Variants in RALGAPA2 observed in about 807,000 individuals in gnomAD.
RALGAPA2 encodes ral GTPase-activating protein subunit alpha-2.
Under a neutral mutation model 230.4 loss-of-function variants are expected in RALGAPA2, and 139 were observed. The observed-to-expected ratio is 0.60, with a 90% CI of 0.53 to 0.69. The LOEUF (loss-of-function observed/expected upper bound fraction) is 0.69, where lower values mean the gene tolerates loss of function less well. RALGAPA2 is among the 30% of genes least tolerant of loss of function. The probability of loss-of-function intolerance (pLI) is 0.00; values close to 1 mark genes in which losing one functional copy is unlikely to be tolerated. For missense variants in RALGAPA2, 2,163 were observed against 2,276.0 expected (o/e 0.95, Z 1.01); for synonymous variants, 847 against 837.8 (o/e 1.01, Z -0.19).
chr20:20,399,066 C>T (rs933583372), intron 38 of RALGAPA2, among the ~76,000 whole-genome samples: 10 of 152,120 alleles, frequency 6.6e-5, no homozygotes, highest in Admixed American at 3.3e-4. Flanking sequence ...TTGTGACAGC[C>T]GGGCACGGTG....
In RALGAPA2 at chr20:20,546,841, G is replaced by A. The variant is rs1186190676; in HGVS notation, c.3157-9C>T. 5 of 1,565,546 alleles carry A rather than the reference G, an allele frequency of 3.2e-6. No homozygotes were observed. Among genetic ancestry groups the A allele is most frequent in the Admixed American group, 4.2e-5 (2 of 47,518 alleles). Reference sequence around the variant, plus strand: ...ATCGTATTTAAGATATCCTAAAAGGGAAGATAAGAAAAAACACAATCGTAA... The same window carrying A: ...ATCGTATTTAAGATATCCTAAAAGGAAAGATAAGAAAAAACACAATCGTAA... On this transcript the variant is annotated splice_polypyrimidine_tract_variant and intron_variant, in intron 23 of 39. Transcript: ENST00000202677.
chr20:20,396,099 G>A (rs911852944), intron 39 of RALGAPA2, among the ~76,000 whole-genome samples: 2 of 152,244 alleles, frequency 1.3e-5, no homozygotes, highest in African/African-American at 4.8e-5. Flanking sequence ...AGGACAGAAA[G>A]GCAGGCTGGG....
intron 37 of RALGAPA2, among the ~76,000 whole-genome samples, chr20:20,469,680 A>G (rs1319111251): frequency 6.6e-6 from 1 of 152,200 alleles, no homozygotes; most frequent in African/African-American, 2.4e-5. Flanking sequence ...CCCTGAAACA[A>G]GTTATTTGAT....
At chr20:20,474,610 G>A (rs562718365) in intron 36 of RALGAPA2, among the ~76,000 whole-genome samples, 7 of 152,302 alleles carry the variant, frequency 4.6e-5, no homozygotes, top group African/African-American at 1.7e-4. Context: ...AGAGTTGTCA[G>A]GATTTGTTGA....
intron 34 of RALGAPA2, chr20:20,504,849 A>G: frequency 2.9e-6 from 1 of 346,016 alleles, no homozygotes; most frequent in Non-Finnish European, 4.1e-6. Context: ...TTTTTGGGGA[A>G]AGGTGTGTAT....
chr20:20,401,161 T>C (rs1346936855), intron 38 of RALGAPA2, among the ~76,000 whole-genome samples: 4 of 152,190 alleles, frequency 2.6e-5, no homozygotes, highest in Admixed American at 6.5e-5. Flanking sequence ...CTTCATGTGG[T>C]TGAACTGCAC....
At chr20:20,584,087 ACTC>A (rs2065063810) in intron 19 of RALGAPA2, among the ~76,000 whole-genome samples, 1 of 152,066 alleles carries the variant, frequency 6.6e-6, no homozygotes, top group Non-Finnish European at 1.5e-5. Context: ...TGAAGGTAGA[ACTC>A]CTCTGCACCC....
chr20:20,531,659 T>C (rs773536129), intron 27 of RALGAPA2, 28 bp downstream of exon 27: 15 of 1,514,682 alleles, frequency 9.9e-6, no homozygotes, highest in Admixed American at 1.8e-5. Flanking sequence ...TGGCTTAATA[T>C]CCAATCAGCA....
chr20:20,433,944 C>G (rs2060552295), intron 37 of RALGAPA2, among the ~76,000 whole-genome samples: 1 of 152,128 alleles, frequency 6.6e-6, no homozygotes, highest in Non-Finnish European at 1.5e-5. Context: ...GTATACTTAA[C>G]AGCCATGTAG....
At chr20:20,465,352 G>T (rs1483006842) in intron 37 of RALGAPA2, among the ~76,000 whole-genome samples, 3 of 152,128 alleles carry the variant, frequency 2.0e-5, no homozygotes, top group Non-Finnish European at 4.4e-5. Flanking sequence ...GGAGGGTGAG[G>T]GGTCCTTGGC....
At chr20:20,645,423 G>GT (rs1194815995) in intron 4 of RALGAPA2, among the ~76,000 whole-genome samples, 3 of 151,882 alleles carry the variant, frequency 2.0e-5, no homozygotes, top group Non-Finnish European at 1.5e-5. Context: ...CGTTAGTGTT[G>GT]TTTTTTAAGT....
chr20:20,521,196 C>A, intron 30 of RALGAPA2, 96 bp from the exon 31 acceptor site: 2 of 995,202 alleles, frequency 2.0e-6, no homozygotes, highest in Non-Finnish European at 2.9e-6. Context: ...GCTAGGACTC[C>A]TGCTTGGTCC....
rs370439645 is a variant in RALGAPA2, at chr20:20,512,240, TACACACAC to T, written c.4856+265_4856+272del. Among the ~76,000 whole-genome samples, 75 of 138,352 alleles carry T rather than the reference TACACACAC, an allele frequency of 5.4e-4. 1 individual carries two copies. Among genetic ancestry groups the T allele is most frequent in the East Asian group, 8.7e-4 (4 of 4,610 alleles). 90.8% of individuals were successfully genotyped at this position (138,352 alleles called of 152,430 possible). A position where few individuals can be genotyped will look rare whatever the true frequency, so the allele number is the denominator to read the frequency against. On this transcript the variant is annotated intron_variant, in intron 32 of 39. Transcript: ENST00000202677. Reference sequence around the variant, plus strand: ...AACCCCCCCTACACACACACACACATACACACACACACACACACACACACACACAAATG... The same window carrying T: ...AACCCCCCCTACACACACACACACATACACACACACACACACACACAAATG...
At chr20:20,683,813 T>C (rs1464457574) in intron 1 of RALGAPA2, among the ~76,000 whole-genome samples, 1 of 152,168 alleles carries the variant, frequency 6.6e-6, no homozygotes, top group Non-Finnish European at 1.5e-5. Flanking sequence ...TCAAAAAAGA[T>C]ACACTCGTCT....
At chr20:20,569,702 T>C (rs529913291) in intron 23 of RALGAPA2, among the ~76,000 whole-genome samples, 1 of 152,276 alleles carries the variant, frequency 6.6e-6, no homozygotes, top group Admixed American at 6.5e-5. Context: ...TTTCATCTCA[T>C]TTTACTGTTT....
At chr20:20,701,450 T>C (rs994385998) in intron 1 of RALGAPA2, among the ~76,000 whole-genome samples, 2 of 152,150 alleles carry the variant, frequency 1.3e-5, no homozygotes, top group African/African-American at 2.4e-5. Context: ...CAAATAAACA[T>C]GGTGTGGGCC....
chr20:20,590,181 C>T (rs1261650147), intron 17 of RALGAPA2, among the ~76,000 whole-genome samples: 1 of 152,004 alleles, frequency 6.6e-6, no homozygotes, highest in Non-Finnish European at 1.5e-5. Context: ...AAATTACAGT[C>T]ACCATACTGT....
intron 23 of RALGAPA2, among the ~76,000 whole-genome samples, chr20:20,558,675 G>A (rs2064162623): frequency 6.6e-6 from 1 of 151,276 alleles, no homozygotes; most frequent in South Asian, 2.1e-4. Context: ...ATCTTAAGGG[G>A]GAAAAAAAAG....
At chr20:20,436,830 G>A (rs1271636310) in intron 37 of RALGAPA2, among the ~76,000 whole-genome samples, 1 of 152,238 alleles carries the variant, frequency 6.6e-6, no homozygotes, top group East Asian at 1.9e-4. Flanking sequence ...CATTTTGACT[G>A]CCCACTACGT....
Sources: gnomAD v4.1 joint callset for allele counts (sites outside exome capture counted in the v4.1 genomes callset) on GRCh38, gnomAD v4.1.1 for gene constraint, MANE v1.5 for transcripts, NCBI Gene and HGNC (gene_info 2026-07-23, HGNC 2026-07-21) for gene names.